PKD1L3: variants seen among roughly 807,000 people sequenced by gnomAD.
The protein encoded by PKD1L3 is polycystin-1-like protein 3.
PKD1L3 carries 239 observed loss-of-function variants against 184.1 expected under a neutral mutation model. The ratio of observed to expected loss-of-function variants is 1.30; its 90% CI spans 1.17 to 1.45. The LOEUF is 1.45. Among genes scored for constraint, PKD1L3 ranks in the 40% most tolerant of loss-of-function variants. The probability of loss-of-function intolerance (pLI) is 0.00; values close to 1 mark genes in which losing one functional copy is unlikely to be tolerated. For missense variants in PKD1L3, 2,660 were observed against 2,067.2 expected (o/e 1.29, Z -5.56); for synonymous variants, 996 against 778.8 (o/e 1.28, Z -4.64).
chr16:71,993,162 T>G (rs543322465), intron 3 of PKD1L3, 54 bp downstream of exon 3: 67 of 1,255,254 alleles, frequency 5.3e-5, no homozygotes, highest in Admixed American at 2.8e-4. Flanking sequence ...TGCATTCTTT[T>G]AGCAGAAATT....
chr16:71,929,588 C>G lies in PKD1L3; in HGVS notation c.5149G>C (p.Ala1717Pro), dbSNP rs2037844764. ...GTGTCACTGCCCACTGCTGTCGTGGCTGCTTGCTCAGATGAGGTTTTTTGG... is the reference window on the plus strand; with the variant it reads ...GTGTCACTGCCCACTGCTGTCGTGGGTGCTTGCTCAGATGAGGTTTTTTGG... ...WPQKTSSEQA[A>P]TTAVGSDTEV... Residue 1717 changes from alanine to proline, a missense_variant, in exon 30 of 30, where the codon GCC becomes CCC. By Grantham distance (27) the Ala-to-Pro change is conservative. Transcript: ENST00000620267. The G allele has an allele frequency of 6.4e-7, 1 of 1,551,792 alleles. No homozygotes were observed. The highest frequency in any genetic ancestry group is 2.0e-5 in the Admixed American group (1 of 50,998).
intron 16 of PKD1L3, among the ~76,000 whole-genome samples, chr16:71,958,851 G>A (rs1452885043): frequency 6.8e-6 from 1 of 147,498 alleles, no homozygotes; most frequent in Non-Finnish European, 1.5e-5. Flanking sequence ...CTTTGGGAGG[G>A]TGAGGCAGGT....
At position 71,933,598 on chromosome 16, in the gene PKD1L3, C is replaced by A; in HGVS notation, c.4825-77G>T. ...ATCCTGAGGTGCTTGGGGATGTGGCCAACATAGAAGCAATGGAACAGAAAT... is the reference window on the plus strand; with the variant it reads ...ATCCTGAGGTGCTTGGGGATGTGGCAAACATAGAAGCAATGGAACAGAAAT... On this transcript the variant is annotated intron_variant, in intron 27 of 29. Transcript: ENST00000620267. The A allele has an allele frequency of 1.4e-5, 15 of 1,080,212 alleles. 1 individual carries two copies. The South Asian group carries it at 2.0e-4, about 15-fold the overall frequency. 66.9% of individuals were successfully genotyped at this position (1,080,212 alleles called of 1,614,324 possible).
chr16:71,988,685 T>C (rs1263253546), intron 4 of PKD1L3, among the ~76,000 whole-genome samples: 1 of 152,114 alleles, frequency 6.6e-6, no homozygotes, highest in Non-Finnish European at 1.5e-5. Context: ...CTCTTAGGGC[T>C]CCAGCTGGGC....
At chr16:71,935,275 G>C (rs2038133963) in intron 26 of PKD1L3, 83 bp downstream of exon 26, 1 of 1,348,266 alleles carries the variant, frequency 7.4e-7, no homozygotes, top group Non-Finnish European at 1.0e-6. Context: ...ATCTGGTAGG[G>C]GAGTTTGAAG....
At position 71,995,115 on chromosome 16, in the gene PKD1L3, G is replaced by A. The variant is rs553948311; in HGVS notation, c.419-1783C>T. ...GAAATCTAATGCTCACAGTTCTGGA[G>A]GCTGGACGTCCAAGAAGAAGGCACT... On this transcript the variant is annotated intron_variant, in intron 2 of 29. Coordinates refer to ENST00000620267, the MANE Select transcript of PKD1L3 (RefSeq NM_181536.2). Among the ~76,000 whole-genome samples the A allele has an allele frequency of 3.3e-5, 5 of 152,290 alleles. No individual in the cohort carries two copies. The South Asian group carries it at 6.2e-4, about 19-fold the overall frequency.
intron 16 of PKD1L3, among the ~76,000 whole-genome samples, chr16:71,957,617 G>C (rs756353294): frequency 1.3e-5 from 2 of 152,106 alleles, no homozygotes; most frequent in African/African-American, 2.4e-5. Flanking sequence ...GGCCAACATG[G>C]TGAAACCCCA....
chr16:71,933,617 C>G (rs1284413074), intron 27 of PKD1L3, 96 bp from the exon 28 acceptor site: 1 of 937,886 alleles, frequency 1.1e-6, no homozygotes, highest in Non-Finnish European at 1.7e-6. Context: ...AGCAATGGAA[C>G]AGAAATTCCT....
chr16:71,947,616 C>G (rs561136791), intron 21 of PKD1L3, 25 bp from the exon 22 acceptor site: 1 of 1,429,520 alleles, frequency 7.0e-7, no homozygotes, highest in Non-Finnish European at 9.6e-7. Flanking sequence ...CACAGAACAT[C>G]GTGAGCAGAC....
chr16:71,981,757 T>G (rs2143749755), intron 7 of PKD1L3, among the ~76,000 whole-genome samples: 1 of 152,174 alleles, frequency 6.6e-6, no homozygotes, highest in Admixed American at 6.5e-5. Flanking sequence ...GCCAGGCTGG[T>G]CTCGAACTCC....
chr16:71,962,683 T>A (rs1011763772), intron 16 of PKD1L3, among the ~76,000 whole-genome samples: 3 of 152,086 alleles, frequency 2.0e-5, no homozygotes, highest in Non-Finnish European at 2.9e-5. Context: ...TCTTGCTATG[T>A]TGGCTAGGCT....
chr16:71,976,085 T>A (rs2039908482), intron 11 of PKD1L3, among the ~76,000 whole-genome samples: 1 of 151,778 alleles, frequency 6.6e-6, no homozygotes, highest in Non-Finnish European at 1.5e-5. Flanking sequence ...GTAGCTGGGA[T>A]TACATGTGTG....
At chr16:71,956,272 C>T (rs1389084066) in intron 16 of PKD1L3, among the ~76,000 whole-genome samples, 1 of 140,998 alleles carries the variant, frequency 7.1e-6, no homozygotes, top group Middle Eastern at 4.0e-3. Flanking sequence ...TGGCTCACTG[C>T]AACCTTCACC....
chr16:71,971,886 G>C (rs754561712), intron 12 of PKD1L3, among the ~76,000 whole-genome samples: 1 of 152,108 alleles, frequency 6.6e-6, no homozygotes, highest in Non-Finnish European at 1.5e-5. Flanking sequence ...TTTGAGACCA[G>C]CCTGACCAAC....
At chr16:71,942,262 G>C (rs919110180) in intron 24 of PKD1L3, among the ~76,000 whole-genome samples, 1 of 152,184 alleles carries the variant, frequency 6.6e-6, no homozygotes, top group East Asian at 1.9e-4. Context: ...GAACCCAGGA[G>C]GCAGAGGGTA....
chr16:71,985,517 C>G (rs1286201364), intron 5 of PKD1L3, among the ~76,000 whole-genome samples: 4 of 152,150 alleles, frequency 2.6e-5, no homozygotes, highest in African/African-American at 9.7e-5. Context: ...CTCCCAGGCT[C>G]AAGCAACCCT....
chr16:71,992,837 G>C (rs1387468658), intron 3 of PKD1L3, among the ~76,000 whole-genome samples: 1 of 152,036 alleles, frequency 6.6e-6, no homozygotes, highest in Non-Finnish European at 1.5e-5. Flanking sequence ...CACCGATATT[G>C]ATTGCCGTCA....
rs528025766 is a variant in PKD1L3 at position 71,977,249 on chromosome 16, C to G, written c.1746G>C (p.Lys582Asn). Residue 582 changes from lysine to asparagine, a missense_variant, in exon 11 of 30, where the codon AAG becomes AAC. Lys to Asn is a moderately conservative substitution (Grantham distance 94). Transcript: ENST00000620267. Reference protein sequence around the residue: ...FHLNITLPKDKVWQKDEEYTW... With the variant: ...FHLNITLPKDNVWQKDEEYTW... ...ATTGGGTTTTACCTTTTTGCCACAC[C>G]TTATCCTTTGGAAGGGTGATGTTCA... 14 of 1,528,260 alleles carry G rather than the reference C, an allele frequency of 9.2e-6. No homozygotes were observed. Among genetic ancestry groups the G allele is most frequent in the Middle Eastern group, 1.7e-4 (1 of 5,934 alleles). The allele number at this position is 1,528,260 out of a possible 1,614,324, so 94.7% of individuals were successfully genotyped here.
At chr16:71,979,742 T>C (rs1368890330) in intron 9 of PKD1L3, 44 bp downstream of exon 9, 2 of 1,464,156 alleles carry the variant, frequency 1.4e-6, no homozygotes, top group African/African-American at 2.9e-5. Flanking sequence ...TACATGGCCA[T>C]CAGATCCCAT....
Sources: gnomAD v4.1 joint callset for allele counts (sites outside exome capture counted in the v4.1 genomes callset) on GRCh38, gnomAD v4.1.1 for gene constraint, MANE v1.5 for transcripts, NCBI Gene and HGNC (gene_info 2026-07-23, HGNC 2026-07-21) for gene names.